Variants in LINGO2 observed in about 807,000 individuals in gnomAD.
LINGO2 encodes leucine-rich repeat and immunoglobulin-like domain-containing nogo receptor-interacting protein 2.
A neutral mutation model predicts 30.6 loss-of-function variants in LINGO2; 14 were observed. The observed-to-expected ratio is 0.46, with a 90% CI of 0.30 to 0.72. LINGO2 has a LOEUF of 0.72. Among genes scored for constraint, LINGO2 ranks in the 30% least tolerant of loss-of-function variants. The pLI is 0.07. For synonymous variants in LINGO2, 317 were observed against 288.5 expected (o/e 1.10, Z -1.00); for missense variants, 729 against 751.7 (o/e 0.97, Z 0.35).
At chr9:28,946,150 TCTGA>T in the LINGO2 span, among the ~76,000 whole-genome samples, 1 of 152,300 alleles carries the variant, frequency 6.6e-6, no homozygotes, top group South Asian at 2.1e-4. Context: ...ATGTAAGCAA[TCTGA>T]CTGTTATGAA....
At chr9:29,086,473 G>A in the LINGO2 span, among the ~76,000 whole-genome samples, 1 of 151,868 alleles carries the variant, frequency 6.6e-6, no homozygotes. Context: ...GGCATTATGA[G>A]TTGGACCTGG....
the LINGO2 span, among the ~76,000 whole-genome samples, chr9:29,099,773 T>C: frequency 6.6e-6 from 1 of 152,172 alleles, no homozygotes; most frequent in Non-Finnish European, 1.5e-5. Flanking sequence ...ACATCATAAA[T>C]TGTGGGTGGA....
intron 2 of LINGO2, among the ~76,000 whole-genome samples, chr9:28,387,329 G>A (rs369860787): frequency 4.6e-5 from 7 of 151,778 alleles, no homozygotes; most frequent in East Asian, 3.9e-4. Context: ...ACCAATTGGC[G>A]CTCTGTGTCT....
intron 1 of LINGO2, among the ~76,000 whole-genome samples, chr9:28,480,401 T>G (rs1421202803): frequency 6.6e-6 from 1 of 151,996 alleles, no homozygotes; most frequent in East Asian, 1.9e-4. Context: ...TCAGAGAAAT[T>G]TATTCTTTTT....
chr9:28,967,792 G>T, the LINGO2 span, among the ~76,000 whole-genome samples: 1 of 152,194 alleles, frequency 6.6e-6, no homozygotes, highest in Non-Finnish European at 1.5e-5. Context: ...ACTGTAAGAT[G>T]TATAGCATAC....
intron 4 of LINGO2, among the ~76,000 whole-genome samples, chr9:28,018,635 C>T (rs1822960189): frequency 6.6e-6 from 1 of 152,018 alleles, no homozygotes; most frequent in Non-Finnish European, 1.5e-5. Flanking sequence ...ATACAAACCA[C>T]AATGAGTTAC....
rs566559460 is a variant in LINGO2 at position 28,590,115 on chromosome 9, A to C, written c.-365+80085T>G. ...CTGGCTAGCCATATGTAGAAAGCTG[A>C]AACTGGATCCCTTCCTGACACCTTA... On this transcript the variant is annotated intron_variant, in intron 1 of 5. Coordinates refer to ENST00000379992, the Ensembl canonical transcript of LINGO2. Among the ~76,000 whole-genome samples, 11 of 152,284 alleles carry C rather than the reference A, an allele frequency of 7.2e-5. No homozygotes were observed. The South Asian group carries it at 1.0e-3, about 14-fold the overall frequency.
rs567439588 is a variant in LINGO2, at chr9:28,332,849, A to G, written c.-245-37483T>C. 5.3e-5 allele frequency among the ~76,000 whole-genome samples: 8 copies of G among 152,282 alleles called. No homozygotes were observed. In the South Asian group the frequency reaches 1.7e-3, roughly 32 times the overall value. ...TCCATAGGAAGTGAATGGTTAAAGCACATATCAGCGTGGGGATGGGGGCTG... is the reference window on the plus strand; with the variant it reads ...TCCATAGGAAGTGAATGGTTAAAGCGCATATCAGCGTGGGGATGGGGGCTG... On this transcript the variant is annotated intron_variant, in intron 3 of 5. Coordinates refer to ENST00000379992, the Ensembl canonical transcript of LINGO2.
intron 2 of LINGO2, among the ~76,000 whole-genome samples, chr9:28,451,296 T>G (rs1824638226): frequency 6.6e-6 from 1 of 151,908 alleles, no homozygotes; most frequent in Non-Finnish European, 1.5e-5. Flanking sequence ...AATAATCATT[T>G]CATAGAAGGA....
chr9:28,820,831 G>A, the LINGO2 span, among the ~76,000 whole-genome samples: 4 of 152,304 alleles, frequency 2.6e-5, no homozygotes, highest in Non-Finnish European at 4.4e-5. Context: ...TAATCAATTT[G>A]CTTCGAAAAT....
intron 3 of LINGO2, among the ~76,000 whole-genome samples, chr9:28,357,365 G>A (rs1251873300): frequency 6.9e-6 from 1 of 144,500 alleles, no homozygotes; most frequent in African/African-American, 2.6e-5. Context: ...TCTTTTTAGG[G>A]ATACAATTCT....
At chr9:28,447,170 A>T (rs1027294962) in intron 2 of LINGO2, among the ~76,000 whole-genome samples, 1 of 152,096 alleles carries the variant, frequency 6.6e-6, no homozygotes, top group East Asian at 1.9e-4. Context: ...ATTTTTCTGT[A>T]TTACTTTTCA....
chr9:28,842,374 C>A, the LINGO2 span, among the ~76,000 whole-genome samples: 6 of 151,854 alleles, frequency 4.0e-5, no homozygotes, highest in Non-Finnish European at 8.8e-5. Context: ...GTCTCTGTGC[C>A]TACAAACACT....
At chr9:28,052,010 C>T (rs1198487050) in intron 4 of LINGO2, among the ~76,000 whole-genome samples, 2 of 152,008 alleles carry the variant, frequency 1.3e-5, no homozygotes, top group African/African-American at 4.8e-5. Flanking sequence ...TCTCATTATA[C>T]AGTTGGGGCT....
the LINGO2 span, among the ~76,000 whole-genome samples, chr9:28,741,072 C>A: frequency 5.3e-3 from 802 of 152,016 alleles, 18 homozygotes; most frequent in African/African-American, 0.018. Context: ...CTGCATGCAG[C>A]CTACTGGATC....
intron 4 of LINGO2, among the ~76,000 whole-genome samples, chr9:28,054,479 T>C (rs1476618286): frequency 1.3e-5 from 2 of 152,138 alleles, no homozygotes; most frequent in Non-Finnish European, 2.9e-5. Context: ...TATCTAGACC[T>C]TAGCTAACGT....
the LINGO2 span, among the ~76,000 whole-genome samples, chr9:29,013,271 A>C: frequency 4.6e-5 from 7 of 152,302 alleles, no homozygotes; most frequent in Admixed American, 4.6e-4. Flanking sequence ...AACTGCTCCA[A>C]TGTGCTAAAT....
the LINGO2 span, among the ~76,000 whole-genome samples, chr9:29,153,343 A>T: frequency 6.6e-6 from 1 of 152,134 alleles, no homozygotes. Context: ...CTTTTATTAA[A>T]GGTAACATGA....
chr9:28,659,304 T>C (rs1171828935), intron 1 of LINGO2, among the ~76,000 whole-genome samples: 1 of 152,092 alleles, frequency 6.6e-6, no homozygotes, highest in Non-Finnish European at 1.5e-5. Context: ...TCAAAAAATT[T>C]AAATTAAAGG....
Sources: gnomAD v4.1 joint callset for allele counts (sites outside exome capture counted in the v4.1 genomes callset) on GRCh38, gnomAD v4.1.1 for gene constraint, MANE v1.5 for transcripts, NCBI Gene and HGNC (gene_info 2026-07-23, HGNC 2026-07-21) for gene names.